ATF7: variants seen among roughly 807,000 people sequenced by gnomAD.
The protein encoded by ATF7 is cyclic AMP-dependent transcription factor ATF-7.
In ATF7, 10 loss-of-function variants were observed where a neutral mutation model predicts 50.4. That is an observed-to-expected ratio of 0.20 (90% CI 0.12 to 0.34). The LOEUF (loss-of-function observed/expected upper bound fraction) is 0.34. Ranked by LOEUF, ATF7 falls within the 10% of genes least tolerant of loss-of-function variation. The pLI is 1.00. For synonymous variants in ATF7, 201 were observed against 226.4 expected (o/e 0.89, Z 1.01); for missense variants, 465 against 613.9 (o/e 0.76, Z 2.56).
chr12:53,607,063 T>C (rs999148846), intron 1 of ATF7, among the ~76,000 whole-genome samples: 4 of 152,226 alleles, frequency 2.6e-5, no homozygotes, highest in Admixed American at 6.6e-5. Flanking sequence ...TTTATAATCC[T>C]TTGGGTATAT....
rs993422406 is a variant in ATF7 at position 53,512,105 on chromosome 12, A to C, written c.*5032T>G. ...ATATTTGCAGCATAAATAAGGCACA[A>C]TATATGCCAGGGCAAGGGAGGGAGG... is the stretch of plus-strand genomic sequence containing the variant. On this transcript the variant is annotated 3_prime_UTR_variant, in exon 12 of 12. Coordinates refer to ENST00000420353, the MANE Select transcript of ATF7 (RefSeq NM_006856.3). 1 of 152,212 alleles carries C rather than the reference A, an allele frequency of 6.6e-6. No individual in the cohort carries two copies. The highest frequency in any genetic ancestry group is 1.5e-5 in the Non-Finnish European group (1 of 68,040). 9.4% of individuals were successfully genotyped at this position (152,212 alleles called of 1,614,324 possible). A position where few individuals can be genotyped will look rare whatever the true frequency, so the allele number is the denominator to read the frequency against.
In ATF7 at chr12:53,537,536, A is replaced by G; in HGVS notation, c.281T>C (p.Leu94Pro). Residue 94 changes from leucine (L) to proline (P), a missense_variant, in exon 5 of 12, where the codon CTT becomes CCT. Leu to Pro is a moderately conservative substitution (Grantham distance 98). Transcript: ENST00000420353. ...EDEKKAAAGP[L>P]DMSLPSTPDI... ...TGGTGTGGAAGGCAGAGACATGTCA[A>G]GGGGCCCAGCAGCAGCCTGTTGTGA... The G allele has an allele frequency of 6.2e-7, 1 of 1,613,552 alleles. No individual in the cohort carries two copies. Among genetic ancestry groups the G allele is most frequent in the African/African-American group, 1.3e-5 (1 of 75,034 alleles).
chr12:53,585,818 C>T (rs1318251443), intron 2 of ATF7, among the ~76,000 whole-genome samples: 1 of 151,812 alleles, frequency 6.6e-6, no homozygotes, highest in Non-Finnish European at 1.5e-5. Context: ...CCCAGAAAGG[C>T]TTAGCCCACT....
At chr12:53,548,231 T>G (rs936049130) in intron 3 of ATF7, among the ~76,000 whole-genome samples, 1 of 152,170 alleles carries the variant, frequency 6.6e-6, no homozygotes, top group African/African-American at 2.4e-5. Flanking sequence ...GGCCTTGAAC[T>G]CCTGGCCTCA....
intron 1 of ATF7, among the ~76,000 whole-genome samples, chr12:53,617,889 CAAAAA>C (rs71444812): frequency 8.3e-6 from 1 of 120,052 alleles, no homozygotes. Context: ...TACAGAAGAC[CAAAAA>C]AAAAAAAAAA....
chr12:53,540,180 GTC>G (rs1939456952), intron 4 of ATF7, among the ~76,000 whole-genome samples: 1 of 151,634 alleles, frequency 6.6e-6, no homozygotes, highest in Non-Finnish European at 1.5e-5. Context: ...GTGAAACCCT[GTC>G]TCTACTAAAA....
chr12:53,566,571 GC>G (rs1941456127), intron 2 of ATF7, among the ~76,000 whole-genome samples: 1 of 152,104 alleles, frequency 6.6e-6, no homozygotes, highest in Non-Finnish European at 1.5e-5. Flanking sequence ...GATGCTACCT[GC>G]CCCTTATTTC....
intron 2 of ATF7, among the ~76,000 whole-genome samples, chr12:53,561,311 A>C (rs1439455905): frequency 6.9e-6 from 1 of 144,736 alleles, no homozygotes; most frequent in African/African-American, 2.6e-5. Context: ...CCTGGTCAAC[A>C]GAGTAAGACT....
intron 2 of ATF7, among the ~76,000 whole-genome samples, chr12:53,560,952 T>C (rs552888537): frequency 9.9e-5 from 15 of 150,958 alleles, no homozygotes; most frequent in Admixed American, 2.6e-4. Context: ...TTCTTTCTTT[T>C]TTTTTTTTTT....
chr12:53,597,970 A>G (rs1205244387), intron 2 of ATF7, among the ~76,000 whole-genome samples: 2 of 152,172 alleles, frequency 1.3e-5, no homozygotes, highest in Admixed American at 1.3e-4. Context: ...TGGGATTTAC[A>G]TAGCCTTTTT....
chr12:53,557,726 A>T (rs1157828216), intron 2 of ATF7, among the ~76,000 whole-genome samples: 1 of 152,170 alleles, frequency 6.6e-6, no homozygotes, highest in Non-Finnish European at 1.5e-5. Flanking sequence ...GAAGACTAAG[A>T]TCATCTAGAT....
chr12:53,520,356 C>T (rs976393036), intron 11 of ATF7, among the ~76,000 whole-genome samples: 1 of 152,084 alleles, frequency 6.6e-6, no homozygotes, highest in Non-Finnish European at 1.5e-5. Flanking sequence ...GCGGGCAGAT[C>T]CCTTAAGTCC....
At chr12:53,578,365 CTCAA>C (rs1942213182) in intron 2 of ATF7, among the ~76,000 whole-genome samples, 1 of 48,312 alleles carries the variant, frequency 2.1e-5, no homozygotes, top group South Asian at 1.1e-3. Context: ...GAGATCTTCT[CTCAA>C]AAAAAAAAAA....
intron 1 of ATF7, among the ~76,000 whole-genome samples, chr12:53,625,206 C>A (rs1944555427): frequency 6.6e-6 from 1 of 152,190 alleles, no homozygotes; most frequent in African/African-American, 2.4e-5. Flanking sequence ...CATATTAAGT[C>A]CCTATGGGGC....
chr12:53,521,220 G>A (rs535573418), intron 11 of ATF7, among the ~76,000 whole-genome samples: 60 of 152,156 alleles, frequency 3.9e-4, no homozygotes, highest in African/African-American at 1.4e-3. Flanking sequence ...TCGAACTCTC[G>A]ACCTCAGGTG....
intron 2 of ATF7, among the ~76,000 whole-genome samples, chr12:53,560,293 A>G (rs1206896909): frequency 1.3e-5 from 2 of 151,566 alleles, no homozygotes; most frequent in African/African-American, 4.8e-5. Flanking sequence ...TTTTTGCAGG[A>G]TAATTCTAAA....
In ATF7 at chr12:53,514,245, G is replaced by A. The variant is rs901500312; in HGVS notation, c.*2892C>T. On this transcript the variant is annotated 3_prime_UTR_variant, in exon 12 of 12. Coordinates refer to ENST00000420353, the MANE Select transcript of ATF7 (RefSeq NM_006856.3). The stretch of plus-strand genomic sequence containing the variant: ...CAGCTAGCTAGAGTGCTTGTGTATC[G>A]AGCACTCACATTGGAGTGGGGTGGG... 5 of 152,058 alleles carry A rather than the reference G, an allele frequency of 3.3e-5. No individual in the cohort carries two copies. The highest frequency in any genetic ancestry group is 7.4e-5 in the Non-Finnish European group (5 of 68,020). 9.4% of individuals were successfully genotyped at this position (152,058 alleles called of 1,614,324 possible). A position where few individuals can be genotyped will look rare whatever the true frequency, so the allele number is the denominator to read the frequency against.
At chr12:53,626,196 C>G (rs1448151194) in intron 1 of ATF7, 83 bp downstream of exon 1, 1 of 153,108 alleles carries the variant, frequency 6.5e-6, no homozygotes, top group Non-Finnish European at 1.5e-5. Flanking sequence ...AGGGGAGACC[C>G]CAGCCTGGAA....
intron 2 of ATF7, among the ~76,000 whole-genome samples, chr12:53,556,699 C>G (rs1345012685): frequency 6.6e-6 from 1 of 152,196 alleles, no homozygotes; most frequent in Non-Finnish European, 1.5e-5. Context: ...TTCAGAAATT[C>G]TCTAGGATAC....
Sources: gnomAD v4.1 joint callset for allele counts (sites outside exome capture counted in the v4.1 genomes callset) on GRCh38, gnomAD v4.1.1 for gene constraint, MANE v1.5 for transcripts, NCBI Gene and HGNC (gene_info 2026-07-23, HGNC 2026-07-21) for gene names.